Variants in ABHD13 observed in about 807,000 individuals in gnomAD.
ABHD13 encodes abhydrolase domain containing 13.
In ABHD13, 7 loss-of-function variants were observed where a neutral mutation model predicts 25.2. That is an observed-to-expected ratio of 0.28 (90% CI 0.16 to 0.52). The LOEUF (loss-of-function observed/expected upper bound fraction) is 0.52. ABHD13 is among the 20% of genes least tolerant of loss of function. The pLI, the probability that ABHD13 is intolerant of heterozygous loss-of-function variation, is 0.96. For synonymous variants in ABHD13, 133 were observed against 136.1 expected (o/e 0.98, Z 0.16); for missense variants, 302 against 402.7 (o/e 0.75, Z 2.14).
rs1007761949 is a variant in ABHD13, at chr13:108,224,000, A to G, written c.-20-5199A>G. ...AATAGAGATTCTTAATCCTGGAGTT[A>G]TGTTTTGTCCTGCTTTTAAAACATT... On this transcript the variant is annotated intron_variant, in intron 1 of 1. Transcript: ENST00000375898. Among the ~76,000 whole-genome samples the G allele has an allele frequency of 7.2e-5, 11 of 152,320 alleles. 1 individual carries two copies. The highest frequency in any genetic ancestry group is 2.6e-4 in the Admixed American group (4 of 15,304).
At chr13:108,225,304 A>T (rs1566380108) in intron 1 of ABHD13, among the ~76,000 whole-genome samples, 1 of 152,184 alleles carries the variant, frequency 6.6e-6, no homozygotes, top group Non-Finnish European at 1.5e-5. Flanking sequence ...TGAAGAGTAG[A>T]CTTGTAGATT....
chr13:108,218,684 G>C (rs2139005405), intron 1 of ABHD13, 25 bp downstream of exon 1: 1 of 151,776 alleles, frequency 6.6e-6, no homozygotes, highest in South Asian at 2.1e-4. Context: ...GGGACCCCGA[G>C]CCCGCGGGGC....
In ABHD13 at chr13:108,222,105, G is replaced by T. The variant is rs1464726409; in HGVS notation, c.-21+3446G>T. Among the ~76,000 whole-genome samples, 3 of 152,112 alleles carry T rather than the reference G, an allele frequency of 2.0e-5. No homozygotes were observed. The East Asian group carries it at 5.8e-4, about 29-fold the overall frequency. ...TCCACCTGTCTTGGCTTCCTAAAGCGCTAGGATTACACGCATGAGCCACCA... is the reference window on the plus strand; with the variant it reads ...TCCACCTGTCTTGGCTTCCTAAAGCTCTAGGATTACACGCATGAGCCACCA... On this transcript the variant is annotated intron_variant, in intron 1 of 1. Transcript: ENST00000375898.
rs1195522269 is a variant in ABHD13 at position 108,230,102 on chromosome 13, A to G, written c.884A>G (p.Asp295Gly). ...ACTAAGAGATTAGCCATTTTTCCAG[A>G]TGGGACTCACAATGACACATGGCAG... ...SRTKRLAIFP[D>G]GTHNDTWQCQ... Residue 295 changes from aspartate to glycine, a missense_variant, in exon 2 of 2, where the codon GAT (aspartate) becomes GGT (glycine). Asp to Gly is a moderately conservative substitution (Grantham distance 94). Coordinates refer to ENST00000375898, the MANE Select transcript of ABHD13 (RefSeq NM_032859.3). 1.2e-6 allele frequency: 2 copies of G among 1,613,196 alleles called. No homozygotes were observed. The highest frequency in any genetic ancestry group is 8.5e-7 in the Non-Finnish European group (1 of 1,179,354).
At position 108,230,221 on chromosome 13, in the gene ABHD13, A is replaced by T. The variant is rs1018241064; in HGVS notation, c.1003A>T (p.Thr335Ser). ...AATGGCAAAAACTTCATCTAATGTAACAATTATATAATGTTTCCCTTTTTG... is the reference window on the plus strand; with the variant it reads ...AATGGCAAAAACTTCATCTAATGTATCAATTATATAATGTTTCCCTTTTTG... ...EEMAKTSSNV[T>S]II The change falls in exon 2 of 2, where the codon ACA (threonine) becomes TCA (serine). Residue 335 changes from threonine to serine, a missense_variant. Physicochemically the swap from Thr to Ser is moderately conservative, Grantham distance 58 (BLOSUM62 1). Coordinates refer to ENST00000375898, the MANE Select transcript of ABHD13 (RefSeq NM_032859.3). 2 of 1,589,866 alleles carry T rather than the reference A, an allele frequency of 1.3e-6. No homozygotes were observed. The highest frequency in any genetic ancestry group is 1.7e-6 in the Non-Finnish European group (2 of 1,168,894).
rs1210427077 is a variant in ABHD13, at chr13:108,234,219, AT to A, written c.*3988del. On this transcript the variant is annotated 3_prime_UTR_variant, in exon 2 of 2. Transcript: ENST00000375898. ...CTATTTTTCTGTACTGACATATGCA[AT>A]AAATTGGTACATTAAAAATTTGATT... 6.0e-6 allele frequency: 1 copy of A among 166,852 alleles called. No homozygotes were observed. The highest frequency in any genetic ancestry group is 1.5e-5 in the Non-Finnish European group (1 of 68,014). 10.3% of individuals were successfully genotyped at this position (166,852 alleles called of 1,614,324 possible).
Position 108,229,197 on chromosome 13 carries a change from A to G in ABHD13, c.-20-2A>G. The G allele has an allele frequency of 6.6e-7, 1 of 1,520,728 alleles. No individual in the cohort carries two copies. Among genetic ancestry groups the G allele is most frequent in the East Asian group, 2.3e-5 (1 of 44,280 alleles). The allele number at this position is 1,520,728 out of a possible 1,614,324, so 94.2% of individuals were successfully genotyped here. ...ATTGATATTCTCCCTCTCTCTCTCT[A>G]GGATACTTACAGAGAGCTACAATGG... On this transcript the variant is annotated splice_acceptor_variant, in intron 1 of 1. Transcript: ENST00000375898. LOFTEE classifies it low-confidence loss of function (5UTR_SPLICE). This position sits in a 1 kb window ranked among gnomAD's most constrained non-coding sequence, Gnocchi z 4.7.
rs1222035751 is a variant in ABHD13 at position 108,233,257 on chromosome 13, T to C, written c.*3025T>C. 2 of 166,810 alleles carry C rather than the reference T, an allele frequency of 1.2e-5. No individual in the cohort carries two copies. The highest frequency in any genetic ancestry group is 4.8e-5 in the African/African-American group (2 of 41,432). The allele number at this position is 166,810 out of a possible 1,614,324, so 10.3% of individuals were successfully genotyped here. ...CATCTGATGCTTATATATTAATTTC[T>C]TATGTTTGTAAGTTTGGCTTTGTGG... On this transcript the variant is annotated 3_prime_UTR_variant, in exon 2 of 2. Coordinates refer to ENST00000375898, the MANE Select transcript of ABHD13 (RefSeq NM_032859.3).
In ABHD13 at chr13:108,229,118, G is replaced by T. The variant is rs1011213824; in HGVS notation, c.-20-81G>T. 2 of 1,097,886 alleles carry T rather than the reference G, an allele frequency of 1.8e-6. No individual in the cohort carries two copies. The highest frequency in any genetic ancestry group is 2.7e-5 in the Admixed American group (1 of 36,804). 68.0% of individuals were successfully genotyped at this position (1,097,886 alleles called of 1,614,324 possible). ...ATATTTAACAATTACATGTGGCCTA[G>T]TACCATAGTTTATTATATTGTGGAT... On this transcript the variant is annotated intron_variant, in intron 1 of 1. Coordinates refer to ENST00000375898, the MANE Select transcript of ABHD13 (RefSeq NM_032859.3). This position sits in a 1 kb window ranked among gnomAD's most constrained non-coding sequence, Gnocchi z 4.7.
rs1432511074 is a variant in ABHD13 at position 108,232,686 on chromosome 13, T to C, written c.*2454T>C. 6.0e-6 allele frequency: 1 copy of C among 166,868 alleles called. No individual in the cohort carries two copies. Among genetic ancestry groups the C allele is most frequent in the African/African-American group, 2.4e-5 (1 of 41,444 alleles). The allele number at this position is 166,868 out of a possible 1,614,324, so 10.3% of individuals were successfully genotyped here. ...GAGTTTACAAAAGAACTTTAAGTTA[T>C]TAAGTTACTATAAATTTGGGGATCC... On this transcript the variant is annotated 3_prime_UTR_variant, in exon 2 of 2. Transcript: ENST00000375898.
chr13:108,221,735 A>C (rs1349576250), intron 1 of ABHD13, among the ~76,000 whole-genome samples: 3 of 152,122 alleles, frequency 2.0e-5, no homozygotes, highest in African/African-American at 7.2e-5. Context: ...GTTTTTCGGA[A>C]ATTCATTGTA....
intron 1 of ABHD13, among the ~76,000 whole-genome samples, chr13:108,219,042 T>G (rs1419922725): frequency 6.6e-6 from 1 of 152,078 alleles, no homozygotes; most frequent in Non-Finnish European, 1.5e-5. Context: ...TCCAGTAATG[T>G]GTACAAACCT....
chr13:108,228,015 A>G (rs932802064), intron 1 of ABHD13, among the ~76,000 whole-genome samples: 3 of 152,088 alleles, frequency 2.0e-5, no homozygotes, highest in Admixed American at 6.6e-5. Flanking sequence ...TAATCAATCT[A>G]TAACCTCTTT....
chr13:108,220,695 G>A lies in ABHD13; in HGVS notation c.-21+2036G>A, dbSNP rs139543291. Among the ~76,000 whole-genome samples, 41 of 152,262 alleles carry A rather than the reference G, an allele frequency of 2.7e-4. No individual in the cohort carries two copies. In the East Asian group the frequency reaches 7.3e-3, roughly 27 times the overall value. On this transcript the variant is annotated intron_variant, in intron 1 of 1. Transcript: ENST00000375898. ...TGCTGAAATCCCTTGCAAAGATGTA[G>A]TATTTCCAGTACAGGGACTACATGC...
chr13:108,218,434 A>G lies in ABHD13; in HGVS notation c.-246A>G, dbSNP rs557081388. On this transcript the variant is annotated 5_prime_UTR_variant, in exon 1 of 2. Transcript: ENST00000375898. Reference sequence around the variant, plus strand: ...CACTCCGGGAGCGGAGACGGAGAACAGGTTATGTGGGAGCCGGCGGGGGCA... The same window carrying G: ...CACTCCGGGAGCGGAGACGGAGAACGGGTTATGTGGGAGCCGGCGGGGGCA... 6.6e-6 allele frequency: 1 copy of G among 151,998 alleles called. No individual in the cohort carries two copies. Among genetic ancestry groups the G allele is most frequent in the African/African-American group, 2.4e-5 (1 of 41,470 alleles). 9.4% of individuals were successfully genotyped at this position (151,998 alleles called of 1,614,324 possible). A position where few individuals can be genotyped will look rare whatever the true frequency, so the allele number is the denominator to read the frequency against.
At chr13:108,220,319 A>T (rs1019228968) in intron 1 of ABHD13, among the ~76,000 whole-genome samples, 3 of 152,236 alleles carry the variant, frequency 2.0e-5, no homozygotes, top group Non-Finnish European at 4.4e-5. Context: ...GCATGTGGAT[A>T]AGAGGGTTTA....
rs899755341 is a variant in ABHD13, at chr13:108,233,690, T to A, written c.*3458T>A. On this transcript the variant is annotated 3_prime_UTR_variant, in exon 2 of 2. Coordinates refer to ENST00000375898, the MANE Select transcript of ABHD13 (RefSeq NM_032859.3). ...GTAGAAAATGAAATGTACTTCTGTT[T>A]ATTCTTAATACTATATATATATATA... 3.0e-5 allele frequency: 5 copies of A among 166,598 alleles called. No homozygotes were observed. The Admixed American group carries it at 3.3e-4, about 11-fold the overall frequency. 10.3% of individuals were successfully genotyped at this position (166,598 alleles called of 1,614,324 possible). A position where few individuals can be genotyped will look rare whatever the true frequency, so the allele number is the denominator to read the frequency against.
Position 108,230,369 on chromosome 13 carries a change from G to A in ABHD13, c.*137G>A, listed in dbSNP as rs959817739. 1.4e-6 allele frequency: 1 copy of A among 695,944 alleles called. No individual in the cohort carries two copies. Among genetic ancestry groups the A allele is most frequent in the Non-Finnish European group, 2.3e-6 (1 of 434,658 alleles). 43.1% of individuals were successfully genotyped at this position (695,944 alleles called of 1,614,324 possible). ...TGAAAGGACTTCACTGCTCCTTTAC[G>A]ATATTCCAAATAGTTTTTTACATTG... On this transcript the variant is annotated 3_prime_UTR_variant, in exon 2 of 2. Coordinates refer to ENST00000375898, the MANE Select transcript of ABHD13 (RefSeq NM_032859.3).
In ABHD13 at chr13:108,229,343, G is replaced by A. The variant is rs1566381484; in HGVS notation, c.125G>A (p.Gly42Asp). 5 of 1,612,660 alleles carry A rather than the reference G, an allele frequency of 3.1e-6. No homozygotes were observed. The highest frequency in any genetic ancestry group is 3.3e-5 in the Admixed American group (2 of 59,874). The change falls in exon 2 of 2, where the codon GGC (glycine) becomes GAC (aspartate). Residue 42 changes from glycine (G) to aspartate (D), a missense_variant. By Grantham distance (94) the Gly-to-Asp change is moderately conservative (BLOSUM62 -1). Coordinates refer to ENST00000375898, the MANE Select transcript of ABHD13 (RefSeq NM_032859.3). This position sits in a 1 kb window ranked among gnomAD's most constrained non-coding sequence, Gnocchi z 4.7. ...PLIVTFHLYG[G>D]IILLLLIFIS... ...ATAGTGACTTTTCATCTGTATGGAG[G>A]CATTATCTTACTTTTGTTAATATTC... is the stretch of plus-strand genomic sequence containing the variant.
Sources: allele counts gnomAD v4.1 joint callset (sites outside exome capture counted in the v4.1 genomes callset), GRCh38; gene constraint gnomAD v4.1.1; non-coding constraint Gnocchi (gnomAD v3.1); transcripts MANE v1.5; gene names NCBI Gene and HGNC (gene_info 2026-07-23, HGNC 2026-07-21).